ADAP1: variants seen among roughly 807,000 people sequenced by gnomAD.
The protein encoded by ADAP1 is ArfGAP with dual PH domains 1.
A neutral mutation model predicts 54.9 loss-of-function variants in ADAP1; 31 were observed. The observed-to-expected ratio is 0.56, with a 90% confidence interval of 0.42 to 0.76. The LOEUF is 0.76. Among genes scored for constraint, ADAP1 ranks in the 30% least tolerant of loss-of-function variants. The probability of loss-of-function intolerance (pLI) is 0.00; values close to 1 mark genes in which losing one functional copy is unlikely to be tolerated. For missense variants in ADAP1, 535 were observed against 512.4 expected (o/e 1.04, Z -0.42); for synonymous variants, 313 against 202.6 (o/e 1.55, Z -4.63).
At chr7:906,491 G>A (rs200678004) in intron 4 of ADAP1, among the ~76,000 whole-genome samples, 59 of 12,668 alleles carry the variant, frequency 4.7e-3, no homozygotes, top group East Asian at 7.5e-3. Flanking sequence ...AAGGAGAAAG[G>A]GAAAGGAGAA....
intron 6 of ADAP1, among the ~76,000 whole-genome samples, chr7:902,183 G>T (rs958662160): frequency 6.6e-6 from 1 of 150,818 alleles, no homozygotes; most frequent in Non-Finnish European, 1.5e-5. Context: ...TTGCGGCTGG[G>T]CGCAGTGGCT....
chr7:905,308 C>CAGGCGGGGAGAGG, intron 4 of ADAP1, 136 bp from the exon 5 acceptor site: 1 of 390,238 alleles, frequency 2.6e-6, no homozygotes, highest in South Asian at 2.3e-5. Context: ...CAGGGGGAGA[C>CAGGCGGGGAGAGG]GGACGGGGAG....
chr7:922,606 G>C (rs1458557634), intron 3 of ADAP1, among the ~76,000 whole-genome samples: 1 of 152,134 alleles, frequency 6.6e-6, no homozygotes, highest in Admixed American at 6.5e-5. Context: ...ACTCCTGAGT[G>C]TGCCTTCTGC....
intron 4 of ADAP1, among the ~76,000 whole-genome samples, chr7:906,498 AGAAAGGGAGAAAGGAGAAAGGAGAAAGG>A (rs1845354420): frequency 1.6e-4 from 1 of 6,432 alleles, no homozygotes; most frequent in South Asian, 0.01. Context: ...AAGGGAAAGG[AGAAAGGGAGAAAGGAGAAAGGAGAAAGG>A]GAAAGGAGAA....
At chr7:951,219 AAAAATTAGCCGGGCG>A (rs1256405573) in intron 1 of ADAP1, among the ~76,000 whole-genome samples, 1 of 151,912 alleles carries the variant, frequency 6.6e-6, no homozygotes, top group East Asian at 1.9e-4. Context: ...CTAAAAATAC[AAAAATTAGCCGGGCG>A]TGGTGGCGGG....
chr7:913,396 T>C (rs1583149433), intron 4 of ADAP1, among the ~76,000 whole-genome samples: 1 of 151,430 alleles, frequency 6.6e-6, no homozygotes, highest in East Asian at 2.0e-4. Flanking sequence ...AGAGACGGGG[T>C]TTCACCGTGT....
At chr7:934,255 G>T (rs1315123120) in intron 2 of ADAP1, among the ~76,000 whole-genome samples, 8 of 111,120 alleles carry the variant, frequency 7.2e-5, no homozygotes, top group Non-Finnish European at 1.3e-4. Flanking sequence ...GGGGACCGGG[G>T]TCAGTGGTGC....
intron 2 of ADAP1, chr7:935,128 C>A: frequency 1.5e-6 from 1 of 653,120 alleles, no homozygotes; most frequent in East Asian, 3.3e-5. Flanking sequence ...GCCTTCGCTC[C>A]CTGGCCCACC....
At chr7:915,875 C>G (rs545951689) in intron 4 of ADAP1, among the ~76,000 whole-genome samples, 1 of 152,224 alleles carries the variant, frequency 6.6e-6, no homozygotes, top group Admixed American at 6.5e-5. Context: ...CCACTTTCCA[C>G]GAGACGCTGT....
At chr7:899,577 C>T (rs1583111539) in intron 8 of ADAP1, 87 bp from the exon 9 acceptor site, 1 of 1,451,708 alleles carries the variant, frequency 6.9e-7, no homozygotes, top group Non-Finnish European at 9.3e-7. Context: ...GAGGGCAGGG[C>T]CCAGACTGGC....
intron 3 of ADAP1, among the ~76,000 whole-genome samples, chr7:925,847 G>C (rs117715654): frequency 6.6e-6 from 1 of 152,224 alleles, no homozygotes; most frequent in African/African-American, 2.4e-5. Flanking sequence ...GTCAACGGAG[G>C]GCGGTGCCCA....
chr7:905,447 G>GGGAGAAAGGGAAAGGAGAAA (rs1562911877), intron 4 of ADAP1: 1 of 56,196 alleles, frequency 1.8e-5, no homozygotes, highest in African/African-American at 4.0e-4. Context: ...AAGGGAGAAA[G>GGGAGAAAGGGAAAGGAGAAA]GGAGAAAGGG....
chr7:930,397 G>A lies in ADAP1; in HGVS notation c.214-3753C>T, dbSNP rs886601598. Among the ~76,000 whole-genome samples, 18 of 148,982 alleles carry A rather than the reference G, an allele frequency of 1.2e-4. 1 individual carries two copies. The Middle Eastern group carries it at 0.01, about 85-fold the overall frequency. ...GAGTTCACAGGCAAGAAAACACAGG[G>A]CCGGGCGCGGTGGCTCACACCTGTA... On this transcript the variant is annotated intron_variant, in intron 2 of 10. Coordinates refer to ENST00000265846, the MANE Select transcript of ADAP1 (RefSeq NM_006869.4).
At chr7:952,152 G>C (rs891254027) in intron 1 of ADAP1, among the ~76,000 whole-genome samples, 8 of 152,252 alleles carry the variant, frequency 5.3e-5, no homozygotes, top group African/African-American at 1.9e-4. Context: ...CGCCGGGCGA[G>C]GCCCCCTGTT....
At position 901,561 on chromosome 7, in the gene ADAP1, G is replaced by T. The variant is rs117590761; in HGVS notation, c.649-945C>A. Reference sequence around the variant, plus strand: ...GCACCCGGCCCAGCACCAGCTGGAGGATGGTGTAGCCCCAGGCTCCTCCCA... The same window carrying T: ...GCACCCGGCCCAGCACCAGCTGGAGTATGGTGTAGCCCCAGGCTCCTCCCA... On this transcript the variant is annotated intron_variant, in intron 6 of 10. Transcript: ENST00000265846. Among the ~76,000 whole-genome samples the T allele has an allele frequency of 1.8e-3, 267 of 152,302 alleles. 6 individuals carry two copies. In the East Asian group the frequency reaches 0.05, roughly 28 times the overall value.
Position 906,607 on chromosome 7 carries a change from G to GGGAAA in ADAP1, c.389-1436_389-1435insTTTCC, listed in dbSNP as rs1270910985. On this transcript the variant is annotated intron_variant, in intron 4 of 10. Transcript: ENST00000265846. ...GAAAGGAGAAAGGAGAAGGGAGAAAGGGAGAAAGGGAAAGGAGAAAGGAGA... is the reference window on the plus strand; with the variant it reads ...GAAAGGAGAAAGGAGAAGGGAGAAAGGGAAAGGAGAAAGGGAAAGGAGAAAGGAGA... 6.4e-4 allele frequency among the ~76,000 whole-genome samples: 5 copies of GGGAAA among 7,770 alleles called. 1 individual carries two copies. The highest frequency in any genetic ancestry group is 2.7e-3 in the African/African-American group (3 of 1,112). The allele number at this position is 7,770 out of a possible 152,430, so 5.1% of individuals were successfully genotyped here.
chr7:920,949 G>T lies in ADAP1; in HGVS notation c.306-899C>A. Reference sequence around the variant, plus strand: ...TGCTGGGCCCACGTGAACAGCCTTGGAGACTGGGCGGGAATCCTCGCCCAC... The same window carrying T: ...TGCTGGGCCCACGTGAACAGCCTTGTAGACTGGGCGGGAATCCTCGCCCAC... On this transcript the variant is annotated intron_variant, in intron 3 of 10. Transcript: ENST00000265846. The surrounding 1 kb of genome is among the most constrained non-coding windows in gnomAD (Gnocchi z 4.5). 3 of 1,348,710 alleles carry T rather than the reference G, an allele frequency of 2.2e-6. No homozygotes were observed. The highest frequency in any genetic ancestry group is 3.1e-6 in the Non-Finnish European group (3 of 975,454). 83.5% of individuals were successfully genotyped at this position (1,348,710 alleles called of 1,614,324 possible). A position where few individuals can be genotyped will look rare whatever the true frequency, so the allele number is the denominator to read the frequency against.
chr7:913,737 C>G (rs1258819656), intron 4 of ADAP1, among the ~76,000 whole-genome samples: 1 of 151,960 alleles, frequency 6.6e-6, no homozygotes, highest in African/African-American at 2.4e-5. Context: ...GAGTTCCAGA[C>G]CAGCCTGGCC....
chr7:922,077 G>C (rs71538119), intron 3 of ADAP1, among the ~76,000 whole-genome samples: 57,292 of 152,076 alleles, frequency 0.38, 11,018 homozygotes, highest in African/African-American at 0.41. Flanking sequence ...GGAGCCCTCC[G>C]GAAGCCCCTC....
Sources: allele counts gnomAD v4.1 joint callset (sites outside exome capture counted in the v4.1 genomes callset), GRCh38; gene constraint gnomAD v4.1.1; non-coding constraint Gnocchi (gnomAD v3.1); transcripts MANE v1.5; gene names NCBI Gene and HGNC (gene_info 2026-07-23, HGNC 2026-07-21).